TIMD4: variants seen among roughly 807,000 people sequenced by gnomAD.
TIMD4 encodes the protein T cell immunoglobulin and mucin domain containing 4.
In TIMD4, 31 loss-of-function variants were observed where a neutral mutation model predicts 41.2. The ratio of observed to expected loss-of-function variants is 0.75; its 90% CI spans 0.57 to 1.01. The LOEUF is 1.01. TIMD4 is among the 50% of genes least tolerant of loss of function. The pLI is 0.00. For synonymous variants in TIMD4, 204 were observed against 177.1 expected, an observed-to-expected ratio of 1.15 and a Z score of -1.21; for missense variants, 479 against 472.5, an observed-to-expected ratio of 1.01 and a Z score of -0.13.
chr5:156,963,055 C>G, intron 1 of TIMD4, 86 bp downstream of exon 1: 1 of 1,379,832 alleles, frequency 7.2e-7, no homozygotes, highest in Non-Finnish European at 1.0e-6. Flanking sequence ...TTCTGCTTCA[C>G]TGAGGCCCAA....
chr5:156,945,303 T>C (rs529840467), intron 5 of TIMD4, among the ~76,000 whole-genome samples: 2 of 152,300 alleles, frequency 1.3e-5, no homozygotes, highest in Admixed American at 6.5e-5. Context: ...GAGGAGATAA[T>C]GGTACCCATT....
intron 1 of TIMD4, among the ~76,000 whole-genome samples, chr5:156,957,898 T>A (rs914791437): frequency 2.0e-5 from 3 of 152,172 alleles, no homozygotes; most frequent in African/African-American, 7.2e-5. Flanking sequence ...ATAAAACATG[T>A]ACAAGAAGTA....
At chr5:156,942,521 TC>T (rs1026319478) in intron 5 of TIMD4, among the ~76,000 whole-genome samples, 6 of 152,182 alleles carry the variant, frequency 3.9e-5, no homozygotes, top group African/African-American at 1.4e-4. Context: ...CGGATGTGAG[TC>T]CCAGTTCTCC....
intron 5 of TIMD4, among the ~76,000 whole-genome samples, chr5:156,940,496 C>A (rs532168392): frequency 2.0e-5 from 3 of 152,060 alleles, no homozygotes; most frequent in East Asian, 3.9e-4. Flanking sequence ...GCCGCCGCCC[C>A]GTCTAGGAAG....
intron 5 of TIMD4, among the ~76,000 whole-genome samples, chr5:156,939,936 A>G (rs1368235895): frequency 6.6e-6 from 1 of 152,154 alleles, no homozygotes; most frequent in Non-Finnish European, 1.5e-5. Flanking sequence ...TTCCCTACTC[A>G]AAAAACATGA....
chr5:156,954,849 A>G, intron 1 of TIMD4, 93 bp from the exon 2 acceptor site: 2 of 1,060,488 alleles, frequency 1.9e-6, no homozygotes. Flanking sequence ...TTCCAGGAAG[A>G]TGAAGAAAGC....
At chr5:156,946,223 CTCTT>C (rs1391308216) in intron 5 of TIMD4, among the ~76,000 whole-genome samples, 1 of 152,186 alleles carries the variant, frequency 6.6e-6, no homozygotes, top group Non-Finnish European at 1.5e-5. Context: ...TCACTGTCAT[CTCTT>C]TCTTTGTCAG....
At chr5:156,928,489 T>C (rs1198091213) in intron 5 of TIMD4, among the ~76,000 whole-genome samples, 1 of 152,082 alleles carries the variant, frequency 6.6e-6, no homozygotes, top group African/African-American at 2.4e-5. Context: ...CCAGGAGGGA[T>C]GTAAAGTCAT....
At chr5:156,933,900 G>C (rs989511783) in intron 5 of TIMD4, among the ~76,000 whole-genome samples, 1 of 151,986 alleles carries the variant, frequency 6.6e-6, no homozygotes, top group Non-Finnish European at 1.5e-5. Flanking sequence ...GATCCCTATT[G>C]GTCTACTGGT....
chr5:156,963,116 A>G (rs982087412), intron 1 of TIMD4, 25 bp downstream of exon 1: 2 of 1,612,190 alleles, frequency 1.2e-6, no homozygotes, highest in African/African-American at 1.3e-5. Context: ...GGAAACTTCT[A>G]CATAGAAGGT....
Position 156,954,678 on chromosome 5 carries a change from G to T in TIMD4, c.137C>A (p.Ser46Tyr). ...CCAGCACATGCTGTTGCTGTTGTGA[G>T]ACCAGGATGAGTACAGACAGGGCAA... ...VTLPCLYSSWSHNSNSMCWGK... is the reference protein window; with the variant it reads ...VTLPCLYSSWYHNSNSMCWGK... The change falls in exon 2 of 9, where the codon TCT (serine) becomes TAT (tyrosine). Residue 46 changes from serine to tyrosine, a missense_variant. Physicochemically the swap from Ser to Tyr is moderately radical, Grantham distance 144. Coordinates refer to ENST00000274532, the MANE Select transcript of TIMD4 (RefSeq NM_138379.3). 6.2e-7 allele frequency: 1 copy of T among 1,614,232 alleles called. No individual in the cohort carries two copies. Among genetic ancestry groups the T allele is most frequent in the Non-Finnish European group, 8.5e-7 (1 of 1,180,044 alleles).
At chr5:156,959,816 G>C (rs1296183960) in intron 1 of TIMD4, among the ~76,000 whole-genome samples, 1 of 152,096 alleles carries the variant, frequency 6.6e-6, no homozygotes, top group Non-Finnish European at 1.5e-5. Flanking sequence ...GATACAGGTG[G>C]ATCACCTGAG....
At chr5:156,924,206 C>A in intron 6 of TIMD4, 2 of 443,162 alleles carry the variant, frequency 4.5e-6, no homozygotes, top group East Asian at 1.2e-4. Flanking sequence ...AAAGGACTTC[C>A]CTCCCCAAAA....
At chr5:156,921,553 G>T (rs1357239304) in intron 7 of TIMD4, among the ~76,000 whole-genome samples, 1 of 147,318 alleles carries the variant, frequency 6.8e-6, no homozygotes, top group Non-Finnish European at 1.5e-5. Context: ...CCAGGAGGCG[G>T]AGGTGCAGTA....
intron 5 of TIMD4, among the ~76,000 whole-genome samples, chr5:156,935,278 CGTA>C (rs1364463873): frequency 1.3e-5 from 2 of 151,884 alleles, no homozygotes; most frequent in Admixed American, 6.6e-5. Context: ...GAAGGGACTA[CGTA>C]TTTTGCTGAC....
At chr5:156,957,767 G>A (rs190791945) in intron 1 of TIMD4, among the ~76,000 whole-genome samples, 1 of 152,068 alleles carries the variant, frequency 6.6e-6, no homozygotes. Flanking sequence ...GTTTGAGGCT[G>A]CAGTGAGCTA....
At chr5:156,933,182 A>C (rs7717643) in intron 5 of TIMD4, among the ~76,000 whole-genome samples, 42,399 of 152,094 alleles carry the variant, frequency 0.28, 6,136 homozygotes, top group Admixed American at 0.35. Context: ...GAAAAAATTG[A>C]AAGTTTTTGT....
chr5:156,961,808 C>CA (rs71578911), intron 1 of TIMD4, among the ~76,000 whole-genome samples: 550 of 27,962 alleles, frequency 0.02, 125 homozygotes, highest in Admixed American at 0.054. Flanking sequence ...GACTCCGTCT[C>CA]AAAAAAAAAA....
At position 156,960,030 on chromosome 5, in the gene TIMD4, G is replaced by A. The variant is rs547556218; in HGVS notation, c.58+3111C>T. ...TGCACTCCAGCCTGGGCATTGGAGT[G>A]AGACTCTGTCTCGAAAAAACCCAAA... On this transcript the variant is annotated intron_variant, in intron 1 of 8. Coordinates refer to ENST00000274532, the MANE Select transcript of TIMD4 (RefSeq NM_138379.3). Among the ~76,000 whole-genome samples the A allele has an allele frequency of 9.9e-5, 15 of 151,822 alleles. No homozygotes were observed. The East Asian group carries it at 2.9e-3, about 30-fold the overall frequency.
Sources: gnomAD v4.1 joint callset for allele counts (sites outside exome capture counted in the v4.1 genomes callset) on GRCh38, gnomAD v4.1.1 for gene constraint, MANE v1.5 for transcripts, NCBI Gene and HGNC (gene_info 2026-07-23, HGNC 2026-07-21) for gene names.